CNTN4: variants seen among roughly 807,000 people sequenced by gnomAD.
CNTN4 encodes the protein contactin 4.
CNTN4 carries 77 observed loss-of-function variants against 122.5 expected under a neutral mutation model. The observed-to-expected ratio is 0.63, with a 90% confidence interval of 0.52 to 0.76. CNTN4 has a LOEUF of 0.76. Among genes scored for constraint, CNTN4 ranks in the 30% least tolerant of loss-of-function variants. The pLI is 0.00. For synonymous variants in CNTN4, 512 were observed against 447.0 expected (o/e 1.15, Z -1.83); for missense variants, 1,256 against 1,259.1 (o/e 1.00, Z 0.04).
chr3:2,161,574 G>T (rs2035969449), intron 2 of CNTN4, among the ~76,000 whole-genome samples: 1 of 152,110 alleles, frequency 6.6e-6, no homozygotes, highest in African/African-American at 2.4e-5. Flanking sequence ...ATGAACTCCA[G>T]TCATCATGAA....
At chr3:2,550,713 T>C (rs571891187) in intron 3 of CNTN4, among the ~76,000 whole-genome samples, 159 of 152,196 alleles carry the variant, frequency 1.0e-3, no homozygotes, top group African/African-American at 3.5e-3. Context: ...ATGTCTATCA[T>C]TGATAGACTG....
chr3:3,012,448 T>C (rs986865387), intron 14 of CNTN4, among the ~76,000 whole-genome samples: 3 of 151,860 alleles, frequency 2.0e-5, no homozygotes, highest in Non-Finnish European at 4.4e-5. Flanking sequence ...GTTTGGTTTT[T>C]TGTTTTTGTT....
intron 7 of CNTN4, among the ~76,000 whole-genome samples, chr3:2,850,821 C>G (rs2093537514): frequency 6.6e-6 from 1 of 152,114 alleles, no homozygotes; most frequent in Non-Finnish European, 1.5e-5. Flanking sequence ...TATTTTCCAT[C>G]TTGCCAGAGA....
chr3:2,201,097 G>C (rs1299086276), intron 2 of CNTN4, among the ~76,000 whole-genome samples: 4 of 152,150 alleles, frequency 2.6e-5, no homozygotes, highest in Non-Finnish European at 4.4e-5. Context: ...GGCACGAATA[G>C]AGTAGCCTAT....
chr3:2,770,053 G>T (rs1331713907), intron 6 of CNTN4, among the ~76,000 whole-genome samples: 4 of 145,986 alleles, frequency 2.7e-5, no homozygotes, highest in Non-Finnish European at 6.0e-5. Flanking sequence ...TTTTTGAGAC[G>T]AAGTGTCACT....
chr3:2,964,200 G>A (rs1319751368), intron 13 of CNTN4, among the ~76,000 whole-genome samples: 1 of 152,016 alleles, frequency 6.6e-6, no homozygotes, highest in Non-Finnish European at 1.5e-5. Flanking sequence ...CCTATCATGA[G>A]GAAAAGAAAT....
chr3:2,638,884 T>A (rs1305957438), intron 4 of CNTN4, among the ~76,000 whole-genome samples: 2 of 152,192 alleles, frequency 1.3e-5, no homozygotes, highest in African/African-American at 2.4e-5. Context: ...CTTTAACATA[T>A]GTTCAGAACC....
At chr3:2,560,287 T>C (rs1284548837) in intron 3 of CNTN4, among the ~76,000 whole-genome samples, 1 of 151,566 alleles carries the variant, frequency 6.6e-6, no homozygotes. Context: ...ACTACAGGAG[T>C]GCACCATCAC....
intron 3 of CNTN4, among the ~76,000 whole-genome samples, chr3:2,446,823 G>A (rs974369434): frequency 2.0e-5 from 3 of 152,170 alleles, no homozygotes; most frequent in African/African-American, 4.8e-5. Flanking sequence ...GGCAGGTTGA[G>A]AAAACCTCTC....
intron 4 of CNTN4, among the ~76,000 whole-genome samples, chr3:2,605,200 C>G (rs2081207556): frequency 6.6e-6 from 1 of 152,266 alleles, no homozygotes; most frequent in Admixed American, 6.5e-5. Context: ...CAAGTTCTTG[C>G]TATGTTGACA....
At chr3:2,332,201 C>A (rs144187971) in intron 2 of CNTN4, among the ~76,000 whole-genome samples, 1 of 152,254 alleles carries the variant, frequency 6.6e-6, no homozygotes, top group East Asian at 1.9e-4. Flanking sequence ...ACTACAGCTC[C>A]GGTAATGTTA....
Position 2,709,913 on chromosome 3 carries a change from C to CAAA in CNTN4, c.56-26294_56-26292dup, listed in dbSNP as rs5846215. ...AGACCCTGTCTCAAACATATAAATA[C>CAAA]AAAAAAAAAATAAGAATAAACTCCA... On this transcript the variant is annotated intron_variant, in intron 4 of 24. Transcript: ENST00000418658. The surrounding 1 kb of genome is among the most constrained non-coding windows in gnomAD (Gnocchi z 5.0). Among the ~76,000 whole-genome samples the CAAA allele has an allele frequency of 8.8e-5, 13 of 148,196 alleles. No homozygotes were observed. The highest frequency in any genetic ancestry group is 1.8e-4 in the Non-Finnish European group (12 of 66,904).
chr3:2,290,060 A>G (rs947098289), intron 2 of CNTN4, among the ~76,000 whole-genome samples: 2 of 152,150 alleles, frequency 1.3e-5, no homozygotes, highest in African/African-American at 4.8e-5. Flanking sequence ...ACTTTTCTAC[A>G]CCTAACACGA....
chr3:2,465,148 A>G (rs937666448), intron 3 of CNTN4, among the ~76,000 whole-genome samples: 1 of 152,160 alleles, frequency 6.6e-6, no homozygotes, highest in Non-Finnish European at 1.5e-5. Context: ...TATATATTCT[A>G]TGTATACTAC....
At chr3:2,685,900 T>C (rs1248472332) in intron 4 of CNTN4, among the ~76,000 whole-genome samples, 2 of 152,190 alleles carry the variant, frequency 1.3e-5, no homozygotes, top group African/African-American at 2.4e-5. Context: ...CATTATACTC[T>C]GTGATTTTGG....
At chr3:2,785,617 A>T (rs1395546304) in intron 6 of CNTN4, among the ~76,000 whole-genome samples, 2 of 152,176 alleles carry the variant, frequency 1.3e-5, no homozygotes, top group Admixed American at 1.3e-4. Flanking sequence ...TGAAAATACA[A>T]CTGGTTTTGT....
chr3:2,383,748 C>T (rs2046122930), intron 3 of CNTN4, among the ~76,000 whole-genome samples: 2 of 149,398 alleles, frequency 1.3e-5, no homozygotes, highest in Admixed American at 1.3e-4. Context: ...TCTCTTCTCC[C>T]TCTCCTCTCT....
intron 4 of CNTN4, among the ~76,000 whole-genome samples, chr3:2,638,897 A>G (rs2082780231): frequency 1.3e-5 from 2 of 152,112 alleles, no homozygotes; most frequent in Admixed American, 6.6e-5. Context: ...TCAGAACCCA[A>G]CTATTAGTTC....
At chr3:2,508,224 T>C (rs1467618760) in intron 3 of CNTN4, among the ~76,000 whole-genome samples, 1 of 152,196 alleles carries the variant, frequency 6.6e-6, no homozygotes, top group Non-Finnish European at 1.5e-5. Context: ...CAATCATTGC[T>C]GCATAGATTA....
Sources: allele counts gnomAD v4.1 joint callset (sites outside exome capture counted in the v4.1 genomes callset), GRCh38; gene constraint gnomAD v4.1.1; non-coding constraint Gnocchi (gnomAD v3.1); transcripts MANE v1.5; gene names NCBI Gene and HGNC (gene_info 2026-07-23, HGNC 2026-07-21).